The following NCOA2 variants were observed in gnomAD, a reference collection of about 807,000 sequenced individuals.
NCOA2 encodes nuclear receptor coactivator 2, also known as class E basic helix-loop-helix protein 75.
Under a neutral mutation model 145.1 loss-of-function variants are expected in NCOA2, and 21 were observed. The ratio of observed to expected loss-of-function variants is 0.14; its 90% CI spans 0.10 to 0.21. The LOEUF is 0.21. NCOA2 is among the 10% of genes least tolerant of loss of function. NCOA2 has a pLI of 1.00. For missense variants in NCOA2, 1,472 were observed against 1,837.6 expected (o/e 0.80, Z 3.64); for synonymous variants, 619 against 637.5 (o/e 0.97, Z 0.44).
intron 4 of NCOA2, among the ~76,000 whole-genome samples, chr8:70,202,704 T>A: frequency 6.6e-6 from 1 of 152,162 alleles, no homozygotes; most frequent in Non-Finnish European, 1.5e-5. Flanking sequence ...AGAGTTGCTG[T>A]TTACTGGGAA....
At chr8:70,429,576 T>G in the NCOA2 span, among the ~76,000 whole-genome samples, 6 of 152,210 alleles carry the variant, frequency 3.9e-5, no homozygotes, top group Non-Finnish European at 7.3e-5. Flanking sequence ...TTGTGATGGT[T>G]GTAAAGTCAT....
chr8:70,311,763 T>G (rs1225457796), intron 1 of NCOA2, among the ~76,000 whole-genome samples: 1 of 152,170 alleles, frequency 6.6e-6, no homozygotes, highest in Non-Finnish European at 1.5e-5. Context: ...TAGTCCTCAG[T>G]TTCCTCAGTG....
upstream of NCOA2, among the ~76,000 whole-genome samples, chr8:70,406,425 CA>C (rs1180217156): frequency 6.6e-6 from 1 of 151,490 alleles, no homozygotes; most frequent in East Asian, 1.9e-4. Context: ...TAAGTTGGCT[CA>C]ATGACACAAA....
intron 2 of NCOA2, among the ~76,000 whole-genome samples, chr8:70,222,841 T>C (rs1820273775): frequency 6.6e-6 from 1 of 152,200 alleles, no homozygotes; most frequent in African/African-American, 2.4e-5. Flanking sequence ...AATACATAAG[T>C]AGCAGGGAGC....
chr8:70,233,929 T>C (rs992371105), intron 2 of NCOA2, among the ~76,000 whole-genome samples: 7 of 152,152 alleles, frequency 4.6e-5, no homozygotes, highest in Non-Finnish European at 8.8e-5. Flanking sequence ...TTAGTGTATA[T>C]ACAGGGTTGT....
intron 1 of NCOA2, among the ~76,000 whole-genome samples, chr8:70,338,737 C>G (rs1807855723): frequency 6.6e-6 from 1 of 152,132 alleles, no homozygotes; most frequent in Admixed American, 6.5e-5. Context: ...AGCTTATCCA[C>G]CAGGATCAAG....
At chr8:70,122,866 T>A (rs1807976664) in intron 21 of NCOA2, among the ~76,000 whole-genome samples, 1 of 152,234 alleles carries the variant, frequency 6.6e-6, no homozygotes, top group South Asian at 2.1e-4. Context: ...CACAGACCTG[T>A]CAGTGATTTC....
At chr8:70,303,828 C>A (rs1235442284) in intron 1 of NCOA2, among the ~76,000 whole-genome samples, 1 of 152,092 alleles carries the variant, frequency 6.6e-6, no homozygotes, top group Non-Finnish European at 1.5e-5. Context: ...AGAAATTAAT[C>A]TTTCTTAAAC....
chr8:70,306,877 TC>T (rs1827936114), intron 1 of NCOA2, among the ~76,000 whole-genome samples: 1 of 152,148 alleles, frequency 6.6e-6, no homozygotes, highest in Admixed American at 6.5e-5. Context: ...AGACCATGTC[TC>T]TTAAAAATCC....
chr8:70,293,026 AG>A (rs1297433832), intron 2 of NCOA2, among the ~76,000 whole-genome samples: 5 of 152,164 alleles, frequency 3.3e-5, no homozygotes, highest in Admixed American at 3.3e-4. Context: ...TAAATGACTG[AG>A]GGCATTTTGT....
chr8:70,417,245 T>TAAAAAAAAAAAAAAAAAAAAAAAAAA, the NCOA2 span, among the ~76,000 whole-genome samples: 8 of 77,994 alleles, frequency 1.0e-4, 1 homozygote, highest in African/African-American at 6.2e-4. Context: ...TCGTCTCTAT[T>TAAAAAAAAAAAAAAAAAAAAAAAAAA]AAAAAAAAAA....
chr8:70,324,055 T>C (rs1325254361), intron 1 of NCOA2, among the ~76,000 whole-genome samples: 1 of 152,200 alleles, frequency 6.6e-6, no homozygotes, highest in Non-Finnish European at 1.5e-5. Flanking sequence ...AAAATCCGTC[T>C]TAATAAAGGA....
intron 1 of NCOA2, among the ~76,000 whole-genome samples, chr8:70,340,672 T>C (rs945256830): frequency 6.6e-6 from 1 of 152,058 alleles, no homozygotes; most frequent in Non-Finnish European, 1.5e-5. Flanking sequence ...CTATTCACAA[T>C]AGCAAAGACA....
chr8:70,190,869 G>A (rs139311730), intron 4 of NCOA2, among the ~76,000 whole-genome samples: 3 of 152,152 alleles, frequency 2.0e-5, no homozygotes, highest in African/African-American at 7.2e-5. Flanking sequence ...AAGAAAGTTG[G>A]AAGAAGATGA....
At chr8:70,147,570 G>C (rs1811244522) in intron 12 of NCOA2, among the ~76,000 whole-genome samples, 1 of 152,090 alleles carries the variant, frequency 6.6e-6, no homozygotes, top group Non-Finnish European at 1.5e-5. Flanking sequence ...ACAACTTCAG[G>C]TATTAATCAA....
the NCOA2 span, among the ~76,000 whole-genome samples, chr8:70,455,757 T>C: frequency 6.6e-5 from 10 of 152,102 alleles, no homozygotes; most frequent in Admixed American, 6.5e-4. Context: ...ATTTGTTCTT[T>C]ATTTAATTTG....
At chr8:70,441,539 AAG>A in the NCOA2 span, among the ~76,000 whole-genome samples, 54 of 151,052 alleles carry the variant, frequency 3.6e-4, no homozygotes, top group African/African-American at 1.0e-3. Flanking sequence ...AAAGGAAAGA[AAG>A]AGAGAGAAAG....
At chr8:70,275,207 A>G (rs1426423580) in intron 2 of NCOA2, among the ~76,000 whole-genome samples, 1 of 152,234 alleles carries the variant, frequency 6.6e-6, no homozygotes, top group Non-Finnish European at 1.5e-5. Flanking sequence ...TAGAGTTATC[A>G]AACTTTACTT....
At chr8:70,172,763 A>G (rs990927030) in intron 5 of NCOA2, among the ~76,000 whole-genome samples, 1 of 152,212 alleles carries the variant, frequency 6.6e-6, no homozygotes, top group African/African-American at 2.4e-5. Context: ...TTTTAAAAGT[A>G]CATGTTGCTT....
Sources: gnomAD v4.1 joint callset for allele counts (sites outside exome capture counted in the v4.1 genomes callset) on GRCh38, gnomAD v4.1.1 for gene constraint, MANE v1.5 for transcripts, NCBI Gene and HGNC (gene_info 2026-07-23, HGNC 2026-07-21) for gene names.